The following BTBD9 variants were observed in gnomAD, a reference collection of about 807,000 sequenced individuals.
BTBD9 encodes BTB/POZ domain-containing protein 9.
In BTBD9, 49 loss-of-function variants were observed where a neutral mutation model predicts 64.3. The observed-to-expected ratio is 0.76, with a 90% CI of 0.61 to 0.97. The LOEUF is 0.97. Ranked by LOEUF, BTBD9 falls within the 50% of genes least tolerant of loss-of-function variation. BTBD9 has a pLI of 0.00. For missense variants in BTBD9, 598 were observed against 762.1 expected, an observed-to-expected ratio of 0.78 and a Z score of 2.53; for synonymous variants, 260 against 274.7, an observed-to-expected ratio of 0.95 and a Z score of 0.53.
chr6:38,364,287 G>A (rs187615623), intron 6 of BTBD9, among the ~76,000 whole-genome samples: 4 of 152,258 alleles, frequency 2.6e-5, no homozygotes, highest in East Asian at 3.9e-4. Context: ...TAAGAAAAGC[G>A]CTGTCATGCT....
intron 9 of BTBD9, among the ~76,000 whole-genome samples, chr6:38,218,156 G>A (rs1455184491): frequency 3.3e-5 from 5 of 152,126 alleles, no homozygotes; most frequent in Non-Finnish European, 7.4e-5. Flanking sequence ...TCTGGTTCCA[G>A]TAATTATTCT....
At chr6:38,579,789 C>T (rs571075316) in intron 5 of BTBD9, among the ~76,000 whole-genome samples, 1 of 152,138 alleles carries the variant, frequency 6.6e-6, no homozygotes, top group Admixed American at 6.5e-5. Flanking sequence ...AGAGTGTTCA[C>T]AATGTATTAA....
intron 1 of BTBD9, among the ~76,000 whole-genome samples, chr6:38,621,155 A>T (rs1325248205): frequency 2.0e-5 from 3 of 152,180 alleles, no homozygotes; most frequent in Non-Finnish European, 4.4e-5. Context: ...AAAATAGTAC[A>T]AGGAAAGGAT....
intron 6 of BTBD9, among the ~76,000 whole-genome samples, chr6:38,393,331 A>G (rs1386066475): frequency 6.6e-6 from 1 of 152,228 alleles, no homozygotes; most frequent in African/African-American, 2.4e-5. Context: ...CAGGGCCAAC[A>G]TTGTCGACAA....
chr6:38,275,902 A>G lies in BTBD9; in HGVS notation c.1454+12370T>C, dbSNP rs561031933. ...GGAACACTTTTACACTGTTGGTGGG[A>G]CTGTAAACTAGTTCAACCATTGTGG... On this transcript the variant is annotated intron_variant, in intron 8 of 10. Coordinates refer to ENST00000481247, the MANE Select transcript of BTBD9 (RefSeq NM_001099272.2). 3.1e-4 allele frequency among the ~76,000 whole-genome samples: 47 copies of G among 151,952 alleles called. 1 individual carries two copies. Among genetic ancestry groups the G allele is most frequent in the African/African-American group, 1.0e-3 (43 of 41,518 alleles).
At chr6:38,608,049 T>A (rs892260282) in intron 1 of BTBD9, among the ~76,000 whole-genome samples, 1 of 152,168 alleles carries the variant, frequency 6.6e-6, no homozygotes, top group Non-Finnish European at 1.5e-5. Context: ...TTTCATAATC[T>A]AAGTTCTAAA....
chr6:38,501,187 T>G (rs1349802611), intron 6 of BTBD9, among the ~76,000 whole-genome samples: 1 of 152,042 alleles, frequency 6.6e-6, no homozygotes, highest in Non-Finnish European at 1.5e-5. Context: ...AGAGAACACC[T>G]GACGCGAGTG....
chr6:38,412,371 C>A (rs997168899), intron 6 of BTBD9, among the ~76,000 whole-genome samples: 1 of 151,992 alleles, frequency 6.6e-6, no homozygotes, highest in Non-Finnish European at 1.5e-5. Context: ...TTCTCGATAA[C>A]AGAAATGAAA....
At chr6:38,213,752 C>A (rs184066937) in intron 9 of BTBD9, among the ~76,000 whole-genome samples, 12 of 152,200 alleles carry the variant, frequency 7.9e-5, no homozygotes, top group African/African-American at 2.9e-4. Context: ...GAGGCTGAGG[C>A]GGGCGGATCA....
At chr6:38,419,115 C>G (rs1356051305) in intron 6 of BTBD9, among the ~76,000 whole-genome samples, 1 of 152,154 alleles carries the variant, frequency 6.6e-6, no homozygotes, top group Non-Finnish European at 1.5e-5. Context: ...GGAAAATAAA[C>G]AGATGAAATT....
intron 8 of BTBD9, among the ~76,000 whole-genome samples, chr6:38,267,733 A>G (rs1338865730): frequency 6.6e-6 from 1 of 152,138 alleles, no homozygotes; most frequent in Non-Finnish European, 1.5e-5. Flanking sequence ...AGGTCAGGAG[A>G]TCGAAACCAT....
chr6:38,407,250 G>A (rs1183276082), intron 6 of BTBD9, among the ~76,000 whole-genome samples: 3 of 152,178 alleles, frequency 2.0e-5, no homozygotes, highest in African/African-American at 7.2e-5. Context: ...AAAATTGCCA[G>A]AGATTAAGCA....
chr6:38,206,884 C>T (rs1931763), intron 9 of BTBD9, among the ~76,000 whole-genome samples: 14,711 of 152,006 alleles, frequency 0.097, 770 homozygotes, highest in Middle Eastern at 0.11. Context: ...ATATGTTTGC[C>T]TCAAAATCTA....
intron 1 of BTBD9, among the ~76,000 whole-genome samples, chr6:38,623,394 C>T (rs1156679343): frequency 6.6e-6 from 1 of 152,182 alleles, no homozygotes; most frequent in Non-Finnish European, 1.5e-5. Flanking sequence ...TTATCTACTT[C>T]ATTATCCTAC....
At chr6:38,639,378 G>A (rs1220291855) in intron 1 of BTBD9, among the ~76,000 whole-genome samples, 1 of 152,146 alleles carries the variant, frequency 6.6e-6, no homozygotes. Context: ...AGGCTGGCCA[G>A]GGCAGGGGAG....
intron 8 of BTBD9, among the ~76,000 whole-genome samples, chr6:38,261,106 A>C (rs1764773523): frequency 6.6e-6 from 1 of 151,420 alleles, no homozygotes. Context: ...CGCCCAGCTG[A>C]TATTTTTTTT....
chr6:38,444,313 G>A (rs909972198), intron 6 of BTBD9, among the ~76,000 whole-genome samples: 9 of 152,090 alleles, frequency 5.9e-5, no homozygotes, highest in African/African-American at 2.2e-4. Flanking sequence ...AGTGCCTGGC[G>A]TGCTTGATAA....
chr6:38,549,676 C>T (rs1219201386), intron 6 of BTBD9, among the ~76,000 whole-genome samples: 1 of 152,114 alleles, frequency 6.6e-6, no homozygotes, highest in African/African-American at 2.4e-5. Flanking sequence ...TGCAGCTAAG[C>T]CTTCAGAGTA....
rs9470845 is a variant in BTBD9 at position 38,267,995 on chromosome 6, C to T, written c.1455-11479G>A. ...AAGGAGAAATGAGGAGCAGAAGAGGCGAATTATGATGGAAAGAGGTGAGGC... is the reference window on the plus strand; with the variant it reads ...AAGGAGAAATGAGGAGCAGAAGAGGTGAATTATGATGGAAAGAGGTGAGGC... On this transcript the variant is annotated intron_variant, in intron 8 of 10. Coordinates refer to ENST00000481247, the MANE Select transcript of BTBD9 (RefSeq NM_001099272.2). 2.9e-3 allele frequency among the ~76,000 whole-genome samples: 437 copies of T among 152,132 alleles called. 3 individuals carry two copies. Among genetic ancestry groups the T allele is most frequent in the African/African-American group, 8.7e-3 (363 of 41,516 alleles).
Sources: allele counts gnomAD v4.1 joint callset (sites outside exome capture counted in the v4.1 genomes callset), GRCh38; gene constraint gnomAD v4.1.1; transcripts MANE v1.5; gene names NCBI Gene and HGNC (gene_info 2026-07-23, HGNC 2026-07-21).